The following RBFOX1 variants were observed in gnomAD, a reference collection of about 807,000 sequenced individuals.
RBFOX1 encodes RNA binding fox-1 homolog 1, also known as RNA binding protein fox-1 homolog 1.
Under a neutral mutation model 57.7 loss-of-function variants are expected in RBFOX1, and 8 were observed. That is an observed-to-expected ratio of 0.14 (90% CI 0.08 to 0.25). The LOEUF is 0.25. Among genes scored for constraint, RBFOX1 ranks in the 10% least tolerant of loss-of-function variants. The probability of loss-of-function intolerance (pLI) is 1.00; values close to 1 mark genes in which losing one functional copy is unlikely to be tolerated. For missense variants in RBFOX1, 611 were observed against 548.5 expected, an observed-to-expected ratio of 1.11 and a Z score of -1.14; for synonymous variants, 326 against 222.4, an observed-to-expected ratio of 1.47 and a Z score of -4.15.
intron 3 of RBFOX1, among the ~76,000 whole-genome samples, chr16:6,930,279 G>A (rs939504734): frequency 6.6e-5 from 10 of 152,112 alleles, no homozygotes; most frequent in Non-Finnish European, 1.3e-4. Flanking sequence ...TTGAATAGAC[G>A]TGTCTCCAAA....
intron 4 of RBFOX1, among the ~76,000 whole-genome samples, chr16:7,318,864 C>T (rs2096492548): frequency 6.6e-6 from 1 of 152,130 alleles, no homozygotes; most frequent in African/African-American, 2.4e-5. Context: ...ATGAAAAAGA[C>T]TCCCAGTAAT....
chr16:6,394,499 GA>G (rs949120021), intron 2 of RBFOX1, among the ~76,000 whole-genome samples: 16 of 119,852 alleles, frequency 1.3e-4, no homozygotes, highest in Admixed American at 3.8e-4. Flanking sequence ...ATAGCAGTGG[GA>G]AAATTGCTTT....
chr16:5,472,981 C>G (rs756184606), intron 2 of RBFOX1, among the ~76,000 whole-genome samples: 5 of 152,174 alleles, frequency 3.3e-5, no homozygotes, highest in Non-Finnish European at 5.9e-5. Flanking sequence ...CAGTCTGACA[C>G]TGACACCAGC....
Position 5,244,251 on chromosome 16 carries a change from A to G in RBFOX1, c.219+4146A>G, listed in dbSNP as rs571155589. 2.0e-5 allele frequency among the ~76,000 whole-genome samples: 3 copies of G among 152,330 alleles called. 1 individual carries two copies. In the South Asian group the frequency reaches 6.2e-4, roughly 32 times the overall value. ...CAAAATACTTGGGCAATATCTTTAC[A>G]TTTGGCTTGTCTAGACTCCATCCTC... On this transcript the variant is annotated intron_variant, in intron 1 of 2. Coordinates refer to the RBFOX1 transcript ENST00000585867.
chr16:7,656,762 G>GTGAC (rs1346516833), intron 12 of RBFOX1, among the ~76,000 whole-genome samples: 2 of 152,116 alleles, frequency 1.3e-5, no homozygotes, highest in Non-Finnish European at 2.9e-5. Context: ...GGGGCAGGGG[G>GTGAC]TGACATACAA....
chr16:6,435,610 C>T (rs184237037), intron 2 of RBFOX1, among the ~76,000 whole-genome samples: 1 of 152,198 alleles, frequency 6.6e-6, no homozygotes, highest in Admixed American at 6.5e-5. Flanking sequence ...GGCCAGTATT[C>T]GTTTTATATA....
At chr16:5,473,494 G>T (rs2069209441) in intron 2 of RBFOX1, among the ~76,000 whole-genome samples, 1 of 151,552 alleles carries the variant, frequency 6.6e-6, no homozygotes, top group African/African-American at 2.4e-5. Context: ...CCAGTACCTT[G>T]TGTAGTACTT....
At chr16:7,109,770 A>C (rs1386025267) in intron 4 of RBFOX1, among the ~76,000 whole-genome samples, 8 of 152,116 alleles carry the variant, frequency 5.3e-5, no homozygotes, top group Non-Finnish European at 5.9e-5. Context: ...TCCTTTGAGC[A>C]ATTTCATTCA....
intron 3 of RBFOX1, among the ~76,000 whole-genome samples, chr16:5,645,605 C>T (rs535679225): frequency 6.6e-5 from 10 of 152,266 alleles, no homozygotes; most frequent in African/African-American, 2.2e-4. Flanking sequence ...ATACATTGAC[C>T]TGTTCCTTGA....
chr16:6,673,301 A>G (rs1283410339), intron 3 of RBFOX1, among the ~76,000 whole-genome samples: 2 of 152,252 alleles, frequency 1.3e-5, no homozygotes, highest in African/African-American at 4.8e-5. Context: ...TCAAAAATGT[A>G]TTGAGGCCAG....
At chr16:7,451,024 T>G (rs981450876) in intron 4 of RBFOX1, among the ~76,000 whole-genome samples, 1 of 152,166 alleles carries the variant, frequency 6.6e-6, no homozygotes, top group South Asian at 2.1e-4. Context: ...GCTTCGCTTC[T>G]GAGTGGTAAA....
At chr16:7,241,824 T>C (rs879743221) in intron 4 of RBFOX1, among the ~76,000 whole-genome samples, 6 of 151,966 alleles carry the variant, frequency 3.9e-5, no homozygotes, top group Non-Finnish European at 8.8e-5. Flanking sequence ...TACATATATG[T>C]TTATACATAT....
intron 4 of RBFOX1, among the ~76,000 whole-genome samples, chr16:7,407,405 T>TGTGTGTGTGTGTGG (rs1491474025): frequency 1.4e-5 from 2 of 142,892 alleles, no homozygotes; most frequent in East Asian, 4.0e-4. Context: ...TGTGTGTGTG[T>TGTGTGTGTGTGTGG]ATGTGTGTGG....
At chr16:6,806,174 A>G (rs961049096) in intron 3 of RBFOX1, among the ~76,000 whole-genome samples, 3 of 152,220 alleles carry the variant, frequency 2.0e-5, no homozygotes, top group African/African-American at 7.2e-5. Flanking sequence ...GAATTGCCAC[A>G]GGTCACAATA....
chr16:5,980,071 C>T (rs950523759), intron 4 of RBFOX1, among the ~76,000 whole-genome samples: 9 of 152,214 alleles, frequency 5.9e-5, no homozygotes, highest in African/African-American at 1.9e-4. Context: ...ACCCTCCTCC[C>T]TCTCTCTAGG....
chr16:5,575,232 A>G (rs2151141982), intron 2 of RBFOX1, among the ~76,000 whole-genome samples: 1 of 152,316 alleles, frequency 6.6e-6, no homozygotes, highest in East Asian at 1.9e-4. Flanking sequence ...ACTCTGAGAA[A>G]TCAGGTATTA....
chr16:5,454,648 C>G (rs139280648), intron 1 of RBFOX1, among the ~76,000 whole-genome samples: 48 of 152,284 alleles, frequency 3.2e-4, no homozygotes, highest in African/African-American at 9.9e-4. Context: ...CTACCTGGGT[C>G]TCTATTTGGT....
chr16:7,091,998 G>T (rs116953395), intron 4 of RBFOX1, among the ~76,000 whole-genome samples: 4 of 151,900 alleles, frequency 2.6e-5, no homozygotes, highest in African/African-American at 7.3e-5. Context: ...AACAATACAC[G>T]TGCCCTTTGT....
rs138624604 is a variant in RBFOX1, at chr16:6,802,504, C to G, written c.-16+147854C>G. On this transcript the variant is annotated intron_variant, in intron 3 of 15. Transcript: ENST00000550418. ...CCAGCCTGACCAATTTGGCAAAACC[C>G]TGTCTCTACTTAAAATACAAAAGTT... is the stretch of plus-strand genomic sequence containing the variant. 7.2e-5 allele frequency among the ~76,000 whole-genome samples: 11 copies of G among 152,216 alleles called. No homozygotes were observed. The East Asian group carries it at 1.4e-3, about 19-fold the overall frequency.
Sources: allele counts gnomAD v4.1 joint callset (sites outside exome capture counted in the v4.1 genomes callset), GRCh38; gene constraint gnomAD v4.1.1; transcripts MANE v1.5; gene names NCBI Gene and HGNC (gene_info 2026-07-23, HGNC 2026-07-21).